The following USH2A variants were observed in gnomAD, a reference collection of about 807,000 sequenced individuals.
USH2A encodes Usher syndrome 2A (autosomal recessive, mild).
A neutral mutation model predicts 538.9 loss-of-function variants in USH2A; 443 were observed. The ratio of observed to expected loss-of-function variants is 0.82; its 90% CI spans 0.76 to 0.89. The LOEUF (loss-of-function observed/expected upper bound fraction) is 0.89. USH2A is among the 40% of genes least tolerant of loss of function. USH2A has a pLI of 0.00. For synonymous variants in USH2A, 2,413 were observed against 2,273.5 expected (o/e 1.06, Z -1.75); for missense variants, 6,633 against 6,324.8 (o/e 1.05, Z -1.65).
intron 2 of USH2A, among the ~76,000 whole-genome samples, chr1:216,420,618 T>C (rs952780344): frequency 3.9e-5 from 6 of 152,178 alleles, no homozygotes; most frequent in African/African-American, 1.4e-4. Context: ...AAGATGAATT[T>C]GGTACAGATA....
chr1:215,646,415 C>T (rs904069346), intron 67 of USH2A, among the ~76,000 whole-genome samples: 1 of 144,226 alleles, frequency 6.9e-6, no homozygotes. Context: ...AAGCATATAC[C>T]TTATAAAATC....
chr1:215,862,942 G>A (rs187951899), intron 44 of USH2A, among the ~76,000 whole-genome samples: 1 of 152,250 alleles, frequency 6.6e-6, no homozygotes, highest in East Asian at 1.9e-4. Context: ...GTTGGCGGTT[G>A]TCATTTTTGT....
At chr1:215,634,811 C>G (rs897010990) in intron 69 of USH2A, 108 bp from the exon 70 acceptor site, 1 of 1,576,232 alleles carries the variant, frequency 6.3e-7, no homozygotes, top group Admixed American at 1.7e-5. Flanking sequence ...AAGCAGAAAG[C>G]AGTTTGTCTC....
intron 20 of USH2A, among the ~76,000 whole-genome samples, chr1:216,175,750 A>T (rs2034365182): frequency 6.6e-6 from 1 of 152,172 alleles, no homozygotes. Flanking sequence ...TATTCTTTTT[A>T]GCTAAATAAT....
chr1:216,291,971 A>G lies in USH2A; in HGVS notation c.1840+204T>C, dbSNP rs146703646. ...CAAAATCCTTTTCCTGAAAAGATAT[A>G]GTTTAAGACTAGAGTGCTATTTCTG... is the stretch of plus-strand genomic sequence containing the variant. On this transcript the variant is annotated intron_variant, in intron 10 of 71. Coordinates refer to ENST00000307340, the MANE Select transcript of USH2A (RefSeq NM_206933.4). Among the ~76,000 whole-genome samples the G allele has an allele frequency of 6.8e-4, 103 of 152,380 alleles. 1 individual carries two copies. The highest frequency in any genetic ancestry group is 2.3e-3 in the African/African-American group (97 of 41,596).
At chr1:215,998,847 G>T in intron 34 of USH2A, 40 bp downstream of exon 34, 2 of 1,602,204 alleles carry the variant, frequency 1.2e-6, no homozygotes. Flanking sequence ...AGAAGAAGTG[G>T]AAGGAATGGG....
chr1:216,183,862 A>G (rs1021010317), intron 20 of USH2A, among the ~76,000 whole-genome samples: 10 of 152,186 alleles, frequency 6.6e-5, no homozygotes, highest in Middle Eastern at 3.4e-3. Context: ...TTATATCATT[A>G]GGCAATTAAA....
At chr1:216,027,067 C>A (rs939006512) in intron 32 of USH2A, among the ~76,000 whole-genome samples, 3 of 152,066 alleles carry the variant, frequency 2.0e-5, no homozygotes, top group African/African-American at 7.2e-5. Flanking sequence ...GCAAAGCAGA[C>A]CCTCTGCTAT....
intron 3 of USH2A, among the ~76,000 whole-genome samples, chr1:216,407,925 T>TA (rs879900125): frequency 0.028 from 4,054 of 145,572 alleles, 163 homozygotes; most frequent in African/African-American, 0.088. Context: ...TAGAGATTGT[T>TA]AAAAAAAAAA....
chr1:216,321,080 C>T (rs2102649499), intron 9 of USH2A, among the ~76,000 whole-genome samples: 2 of 152,106 alleles, frequency 1.3e-5, no homozygotes, highest in Admixed American at 1.3e-4. Context: ...AAAGTTTAAG[C>T]CACATACATT....
At chr1:216,309,737 G>A (rs185945705) in intron 9 of USH2A, among the ~76,000 whole-genome samples, 4 of 152,116 alleles carry the variant, frequency 2.6e-5, no homozygotes, top group East Asian at 3.9e-4. Flanking sequence ...CTTATTTGTG[G>A]AGAGTTTTGA....
chr1:215,867,201 T>C (rs754024030), intron 43 of USH2A, 31 bp from the exon 44 acceptor site: 2 of 1,606,786 alleles, frequency 1.2e-6, no homozygotes, highest in South Asian at 1.1e-5. Flanking sequence ...AAAAAGTATA[T>C]GAATTTCTAC....
At chr1:215,963,774 G>A (rs1418176498) in intron 37 of USH2A, among the ~76,000 whole-genome samples, 2 of 152,014 alleles carry the variant, frequency 1.3e-5, no homozygotes, top group South Asian at 2.1e-4. Flanking sequence ...CTCCCTCTCC[G>A]ATATCTTTGA....
intron 4 of USH2A, among the ~76,000 whole-genome samples, chr1:216,359,464 T>C (rs1235739841): frequency 2.6e-5 from 4 of 152,128 alleles, no homozygotes; most frequent in African/African-American, 9.6e-5. Flanking sequence ...GTTAATATTT[T>C]GATCAAAGAA....
At chr1:216,332,077 C>G (rs1173820834) in intron 4 of USH2A, among the ~76,000 whole-genome samples, 1 of 152,092 alleles carries the variant, frequency 6.6e-6, no homozygotes, top group Non-Finnish European at 1.5e-5. Flanking sequence ...TCTGGAAGCC[C>G]TGAAAATGAA....
chr1:216,025,606 G>A (rs1668945827), intron 32 of USH2A, among the ~76,000 whole-genome samples: 1 of 152,030 alleles, frequency 6.6e-6, no homozygotes, highest in South Asian at 2.1e-4. Context: ...TGTTTTTTCA[G>A]AGGAAGTTTT....
intron 14 of USH2A, among the ~76,000 whole-genome samples, chr1:216,221,475 A>G (rs990243955): frequency 2.0e-5 from 3 of 152,178 alleles, no homozygotes; most frequent in African/African-American, 7.2e-5. Flanking sequence ...ATTATAGGAG[A>G]GGGATTTGAG....
chr1:215,632,015 A>C (rs1656297953), intron 70 of USH2A, among the ~76,000 whole-genome samples: 2 of 152,010 alleles, frequency 1.3e-5, no homozygotes, highest in African/African-American at 4.8e-5. Flanking sequence ...TTTCATTTTC[A>C]GCTGTTCTCA....
intron 61 of USH2A, among the ~76,000 whole-genome samples, chr1:215,697,490 T>C (rs1211434525): frequency 6.6e-6 from 1 of 151,540 alleles, no homozygotes; most frequent in East Asian, 2.0e-4. Context: ...CTGCTTTCTG[T>C]AATCCTACTT....
Sources: allele counts gnomAD v4.1 joint callset (sites outside exome capture counted in the v4.1 genomes callset), GRCh38; gene constraint gnomAD v4.1.1; transcripts MANE v1.5; gene names NCBI Gene and HGNC (gene_info 2026-07-23, HGNC 2026-07-21).